The following MYLK variants were observed in gnomAD, a reference collection of about 807,000 sequenced individuals.
MYLK encodes the protein myosin light chain kinase, also known as myosin light chain kinase, smooth muscle.
In MYLK, 106 loss-of-function variants were observed where a neutral mutation model predicts 203.4. That is an observed-to-expected ratio of 0.52 (90% CI 0.45 to 0.61). MYLK has a LOEUF of 0.61. Ranked by LOEUF, MYLK falls within the 20% of genes least tolerant of loss-of-function variation. The pLI, the probability that MYLK is intolerant of heterozygous loss-of-function variation, is 0.00. For synonymous variants in MYLK, 867 were observed against 959.5 expected, an observed-to-expected ratio of 0.90 and a Z score of 1.78; for missense variants, 2,072 against 2,442.3, an observed-to-expected ratio of 0.85 and a Z score of 3.20.
intron 1 of MYLK, among the ~76,000 whole-genome samples, chr3:123,882,909 GAGA>G (rs1441161494): frequency 1.3e-5 from 2 of 152,204 alleles, no homozygotes; most frequent in East Asian, 3.9e-4. Flanking sequence ...TCACGGAAGA[GAGA>G]AGGAGGTCAA....
intron 5 of MYLK, among the ~76,000 whole-genome samples, chr3:123,744,627 C>A (rs2108842222): frequency 6.6e-6 from 1 of 152,148 alleles, no homozygotes; most frequent in East Asian, 1.9e-4. Flanking sequence ...AAATTTATCA[C>A]AGGACTTCAA....
intron 16 of MYLK, among the ~76,000 whole-genome samples, chr3:123,703,970 G>C (rs936170): frequency 0.12 from 18,705 of 152,230 alleles, 2,713 homozygotes; most frequent in East Asian, 0.54. Context: ...GCCCTGTGCC[G>C]CAAGCTGGAG....
Position 123,613,698 on chromosome 3 carries a change from C to G in MYLK, c.*407G>C. The G allele has an allele frequency of 4.4e-6, 1 of 228,706 alleles. No homozygotes were observed. The highest frequency in any genetic ancestry group is 8.7e-6 in the Non-Finnish European group (1 of 114,732). The allele number at this position is 228,706 out of a possible 1,614,324, so 14.2% of individuals were successfully genotyped here. A position where few individuals can be genotyped will look rare whatever the true frequency, so the allele number is the denominator to read the frequency against. On this transcript the variant is annotated 3_prime_UTR_variant, in exon 34 of 34. Coordinates refer to ENST00000360304, the MANE Select transcript of MYLK (RefSeq NM_053025.4). ...GAGTCAGGGGGTGGGGAGAGAGAGG[C>G]CTCCCATCCCCAGGAACCCTCTGGG...
At chr3:123,704,142 A>C (rs918838059) in intron 16 of MYLK, among the ~76,000 whole-genome samples, 1 of 152,248 alleles carries the variant, frequency 6.6e-6, no homozygotes, top group African/African-American at 2.4e-5. Context: ...AAGGGGTCAG[A>C]GAAAGGTGGA....
intron 4 of MYLK, among the ~76,000 whole-genome samples, chr3:123,770,448 G>C (rs1056313900): frequency 3.3e-5 from 5 of 152,224 alleles, no homozygotes; most frequent in African/African-American, 9.6e-5. Context: ...AAGGAGCCGA[G>C]CATGAGTCTT....
intron 2 of MYLK, among the ~76,000 whole-genome samples, chr3:123,845,173 C>T (rs1200631468): frequency 6.6e-6 from 1 of 152,208 alleles, no homozygotes; most frequent in Non-Finnish European, 1.5e-5. Context: ...CTCCAGAGGA[C>T]TGACCTCCCT....
intron 2 of MYLK, among the ~76,000 whole-genome samples, chr3:123,860,372 T>C (rs1029906034): frequency 6.6e-6 from 1 of 152,258 alleles, no homozygotes; most frequent in African/African-American, 2.4e-5. Flanking sequence ...AGGGCACTGC[T>C]GTGTCTCTAG....
At position 123,672,436 on chromosome 3, in the gene MYLK, T is replaced by G. The variant is rs951184212; in HGVS notation, c.3653-5249A>C. 5.9e-5 allele frequency among the ~76,000 whole-genome samples: 9 copies of G among 152,194 alleles called. 1 individual carries two copies. The East Asian group carries it at 1.7e-3, about 29-fold the overall frequency. Reference sequence around the variant, plus strand: ...TTAAGCTACCCAGTCTGCCGTACTTTGTTAAGTCAGCCCTAGAAGACTAAT... The same window carrying G: ...TTAAGCTACCCAGTCTGCCGTACTTGGTTAAGTCAGCCCTAGAAGACTAAT... On this transcript the variant is annotated intron_variant, in intron 20 of 33. Coordinates refer to ENST00000360304, the MANE Select transcript of MYLK (RefSeq NM_053025.4).
chr3:123,789,355 T>A (rs560193232), intron 4 of MYLK, among the ~76,000 whole-genome samples: 17 of 152,128 alleles, frequency 1.1e-4, no homozygotes, highest in Admixed American at 8.5e-4. Flanking sequence ...CCTAGCAACA[T>A]CTTTTCATGG....
intron 5 of MYLK, among the ~76,000 whole-genome samples, chr3:123,741,288 T>C (rs1013385045): frequency 2.0e-5 from 3 of 152,218 alleles, no homozygotes; most frequent in African/African-American, 7.2e-5. Flanking sequence ...ACCAGAACTT[T>C]AGTGAAAAGG....
At chr3:123,881,174 G>C (rs1483307572) in intron 1 of MYLK, among the ~76,000 whole-genome samples, 1 of 152,114 alleles carries the variant, frequency 6.6e-6, no homozygotes, top group Non-Finnish European at 1.5e-5. Flanking sequence ...AGAGATAGAA[G>C]TCACATGGCA....
intron 2 of MYLK, among the ~76,000 whole-genome samples, chr3:123,833,051 G>A (rs1019124278): frequency 6.6e-6 from 1 of 152,112 alleles, no homozygotes; most frequent in Non-Finnish European, 1.5e-5. Context: ...TCTCAAAGAA[G>A]GGGCAGGATG....
chr3:123,618,791 C>A, intron 32 of MYLK, 21 bp from the exon 33 acceptor site: 2 of 1,613,786 alleles, frequency 1.2e-6, no homozygotes, highest in South Asian at 1.1e-5. Flanking sequence ...GAGAAGAAGA[C>A]CAGGTCATTT....
chr3:123,612,839 TACACAC>T lies in MYLK; in HGVS notation c.*1260_*1265del, dbSNP rs550448371. On this transcript the variant is annotated 3_prime_UTR_variant, in exon 34 of 34. Coordinates refer to ENST00000360304, the MANE Select transcript of MYLK (RefSeq NM_053025.4). ...AAGAAAAAAAAAGTATTTGGAATGT[TACACAC>T]ACACACAGAGGAAATGTATTAGGTC... The T allele has an allele frequency of 6.6e-6, 1 of 152,366 alleles. No homozygotes were observed. The highest frequency in any genetic ancestry group is 1.5e-5 in the Non-Finnish European group (1 of 67,942). 9.4% of individuals were successfully genotyped at this position (152,366 alleles called of 1,614,324 possible).
At chr3:123,849,118 G>C (rs2030422702) in intron 2 of MYLK, among the ~76,000 whole-genome samples, 1 of 152,016 alleles carries the variant, frequency 6.6e-6, no homozygotes, top group Non-Finnish European at 1.5e-5. Flanking sequence ...TGGGACTACA[G>C]GCCCGCGTCA....
At chr3:123,707,027 A>G (rs2061485977) in intron 16 of MYLK, among the ~76,000 whole-genome samples, 1 of 152,210 alleles carries the variant, frequency 6.6e-6, no homozygotes, top group African/African-American at 2.4e-5. Flanking sequence ...TTCCAAGGGT[A>G]GGTCTTAAAA....
chr3:123,638,822 C>A (rs1385154868), intron 28 of MYLK: 2 of 985,322 alleles, frequency 2.0e-6, no homozygotes, highest in African/African-American at 3.5e-5. Context: ...AGGCTTCAAC[C>A]CCAGGGTGGT....
rs184992137 is a variant in MYLK at position 123,868,623 on chromosome 3, T to G, written c.-127+7936A>C. ...CAAGTGAGCACTAATTTATACCCTGTGCTTAGTTTGACTTTATTGTGGCCA... is the reference window on the plus strand; with the variant it reads ...CAAGTGAGCACTAATTTATACCCTGGGCTTAGTTTGACTTTATTGTGGCCA... On this transcript the variant is annotated intron_variant, in intron 2 of 33. Coordinates refer to ENST00000360304, the MANE Select transcript of MYLK (RefSeq NM_053025.4). 2.0e-5 allele frequency among the ~76,000 whole-genome samples: 3 copies of G among 152,338 alleles called. No homozygotes were observed. The East Asian group carries it at 5.8e-4, about 29-fold the overall frequency.
At chr3:123,708,582 G>T (rs566162101) in intron 15 of MYLK, 116 bp downstream of exon 15, 6 of 1,155,860 alleles carry the variant, frequency 5.2e-6, no homozygotes, top group Non-Finnish European at 7.4e-6. Context: ...ACTGAGGGAC[G>T]AGAGGGCCCT....
Sources: allele counts gnomAD v4.1 joint callset (sites outside exome capture counted in the v4.1 genomes callset), GRCh38; gene constraint gnomAD v4.1.1; transcripts MANE v1.5; gene names NCBI Gene and HGNC (gene_info 2026-07-23, HGNC 2026-07-21).